The following ASCC3 variants were observed in gnomAD, a reference collection of about 807,000 sequenced individuals.
ASCC3 encodes ASC-1 complex subunit P200.
In ASCC3, 158 loss-of-function variants were observed where a neutral mutation model predicts 256.3. The ratio of observed to expected loss-of-function variants is 0.62; its 90% CI spans 0.54 to 0.70. The LOEUF is 0.70. Ranked by LOEUF, ASCC3 falls within the 30% of genes least tolerant of loss-of-function variation. The pLI, the probability that ASCC3 is intolerant of heterozygous loss-of-function variation, is 0.00. For synonymous variants in ASCC3, 948 were observed against 883.4 expected, an observed-to-expected ratio of 1.07 and a Z score of -1.30; for missense variants, 2,259 against 2,626.0, an observed-to-expected ratio of 0.86 and a Z score of 3.05.
At chr6:100,547,489 T>TC (rs1481505281) in intron 36 of ASCC3, among the ~76,000 whole-genome samples, 1 of 151,924 alleles carries the variant, frequency 6.6e-6, no homozygotes, top group African/African-American at 2.4e-5. Flanking sequence ...TATATAAGGT[T>TC]CTCTCAAAGC....
At chr6:100,630,338 T>C (rs920045076) in intron 26 of ASCC3, among the ~76,000 whole-genome samples, 1 of 152,160 alleles carries the variant, frequency 6.6e-6, no homozygotes, top group African/African-American at 2.4e-5. Context: ...TGGACTATAT[T>C]CACATGGTTC....
intron 10 of ASCC3, among the ~76,000 whole-genome samples, chr6:100,737,578 C>T (rs574801503): frequency 1.3e-5 from 2 of 152,294 alleles, no homozygotes; most frequent in African/African-American, 4.8e-5. Context: ...TTTATGGCTG[C>T]ACAGTATTCC....
chr6:100,830,274 G>A (rs990612834), intron 4 of ASCC3, among the ~76,000 whole-genome samples: 8 of 151,890 alleles, frequency 5.3e-5, no homozygotes, highest in Non-Finnish European at 1.2e-4. Context: ...TTTTAACTGA[G>A]TATCTGAATG....
intron 36 of ASCC3, among the ~76,000 whole-genome samples, chr6:100,573,104 A>C (rs1158537800): frequency 6.6e-6 from 1 of 152,074 alleles, no homozygotes; most frequent in East Asian, 1.9e-4. Context: ...GGTTGGATTG[A>C]ATGTTGGCAT....
chr6:100,641,079 A>T (rs879830951), intron 24 of ASCC3, among the ~76,000 whole-genome samples: 1 of 152,202 alleles, frequency 6.6e-6, no homozygotes, highest in Non-Finnish European at 1.5e-5. Context: ...CTAGTTAATT[A>T]ACAGATTAGT....
At chr6:100,652,239 T>A (rs1775709382) in intron 18 of ASCC3, among the ~76,000 whole-genome samples, 1 of 152,082 alleles carries the variant, frequency 6.6e-6, no homozygotes, top group African/African-American at 2.4e-5. Flanking sequence ...TGAACAAATT[T>A]AAAAAGTTAC....
chr6:100,760,494 G>T (rs1031986921), intron 10 of ASCC3, among the ~76,000 whole-genome samples: 1 of 152,140 alleles, frequency 6.6e-6, no homozygotes, highest in Admixed American at 6.6e-5. Context: ...GATCGTTGTG[G>T]ATAAGTTTTT....
intron 10 of ASCC3, among the ~76,000 whole-genome samples, chr6:100,740,171 G>A (rs1780361392): frequency 6.6e-6 from 1 of 152,118 alleles, no homozygotes; most frequent in African/African-American, 2.4e-5. Context: ...CTTGATTTCT[G>A]CCTTAATTTC....
chr6:100,848,466 A>T lies in ASCC3; in HGVS notation c.483T>A (p.Val161=). The change falls in exon 4 of 42, where the codon GTT becomes GTA. Residue 161 remains valine, a synonymous_variant. Coordinates refer to ENST00000369162, the MANE Select transcript of ASCC3 (RefSeq NM_006828.4). The stretch of plus-strand genomic sequence containing the variant: ...AAAATGCTAAATTTTTACCAAAAAA[A>T]ACCCTATCGCCATGTTCTTTTTCTG... ...QMTEKEHGDR[V]FFGKNLAFSF... is the part of the protein sequence containing the mutation. The T allele has an allele frequency of 6.2e-7, 1 of 1,611,684 alleles. No homozygotes were observed. Among genetic ancestry groups the T allele is most frequent in the Non-Finnish European group, 8.5e-7 (1 of 1,178,828 alleles).
intron 4 of ASCC3, among the ~76,000 whole-genome samples, chr6:100,830,082 T>A (rs1037124744): frequency 5.9e-5 from 9 of 152,028 alleles, no homozygotes; most frequent in Admixed American, 5.9e-4. Flanking sequence ...AACCTTGTTG[T>A]TTATTTCTGG....
At chr6:100,524,427 A>G (rs567369222) in intron 37 of ASCC3, among the ~76,000 whole-genome samples, 2 of 152,310 alleles carry the variant, frequency 1.3e-5, no homozygotes, top group African/African-American at 4.8e-5. Context: ...CTTTTGAAAC[A>G]TGACTGAATT....
intron 10 of ASCC3, among the ~76,000 whole-genome samples, chr6:100,743,384 C>T (rs1041719553): frequency 6.6e-6 from 1 of 152,150 alleles, no homozygotes; most frequent in Non-Finnish European, 1.5e-5. Flanking sequence ...TGGCCATCTT[C>T]GATTTCGGCC....
At chr6:100,814,477 C>T (rs1291269837) in intron 4 of ASCC3, among the ~76,000 whole-genome samples, 2 of 152,074 alleles carry the variant, frequency 1.3e-5, no homozygotes, top group Non-Finnish European at 2.9e-5. Flanking sequence ...AGGGAGGAGT[C>T]CCTCCTCCCC....
At chr6:100,761,651 CA>C (rs1195791874) in intron 10 of ASCC3, among the ~76,000 whole-genome samples, 1 of 151,978 alleles carries the variant, frequency 6.6e-6, no homozygotes, top group Non-Finnish European at 1.5e-5. Flanking sequence ...ATTATTGGCC[CA>C]AGGGTATAAT....
At chr6:100,535,533 G>C (rs1775118492) in intron 37 of ASCC3, among the ~76,000 whole-genome samples, 1 of 140,882 alleles carries the variant, frequency 7.1e-6, no homozygotes, top group South Asian at 2.5e-4. Context: ...GCAGCAGCGC[G>C]ATCTTGGCTC....
At chr6:100,681,948 T>A (rs1256923285) in intron 13 of ASCC3, among the ~76,000 whole-genome samples, 1 of 152,080 alleles carries the variant, frequency 6.6e-6, no homozygotes, top group African/African-American at 2.4e-5. Flanking sequence ...TGTGATATTT[T>A]CGTAATGACT....
chr6:100,810,919 A>G (rs1287244314), intron 4 of ASCC3, among the ~76,000 whole-genome samples: 2 of 152,176 alleles, frequency 1.3e-5, no homozygotes, highest in African/African-American at 4.8e-5. Context: ...AAGCAAGTAA[A>G]TAGTCTAGAC....
chr6:100,624,005 T>C (rs1490847143), intron 30 of ASCC3, among the ~76,000 whole-genome samples: 3 of 151,844 alleles, frequency 2.0e-5, no homozygotes, highest in Admixed American at 6.6e-5. Flanking sequence ...TTTGGAGATA[T>C]ACCTAATGTT....
chr6:100,728,643 T>C (rs1251546822), intron 10 of ASCC3, among the ~76,000 whole-genome samples: 1 of 152,142 alleles, frequency 6.6e-6, no homozygotes, highest in African/African-American at 2.4e-5. Context: ...AATATATTTA[T>C]ACAGTGGGAT....
Sources: gnomAD v4.1 joint callset for allele counts (sites outside exome capture counted in the v4.1 genomes callset) on GRCh38, gnomAD v4.1.1 for gene constraint, MANE v1.5 for transcripts, NCBI Gene and HGNC (gene_info 2026-07-23, HGNC 2026-07-21) for gene names.